SCN9A: variants seen among roughly 807,000 people sequenced by gnomAD.
SCN9A encodes the protein sodium channel protein type 9 subunit alpha.
A neutral mutation model predicts 187.0 loss-of-function variants in SCN9A; 131 were observed. That is an observed-to-expected ratio of 0.70 (90% CI 0.61 to 0.81). The LOEUF is 0.81. SCN9A is among the 30% of genes least tolerant of loss of function. SCN9A has a pLI of 0.00. For synonymous variants in SCN9A, 809 were observed against 808.6 expected (o/e 1.00, Z -0.01); for missense variants, 2,252 against 2,396.6 (o/e 0.94, Z 1.26).
chr2:166,308,787 G>A (rs1698842666), intron 2 of SCN9A, among the ~76,000 whole-genome samples: 1 of 151,888 alleles, frequency 6.6e-6, no homozygotes, highest in Non-Finnish European at 1.5e-5. Context: ...TTAGCCAGGT[G>A]TGGTGGCGGG....
intron 1 of SCN9A, among the ~76,000 whole-genome samples, chr2:166,318,860 G>A (rs1367053904): frequency 2.0e-5 from 3 of 151,968 alleles, no homozygotes; most frequent in Non-Finnish European, 2.9e-5. Context: ...ATATATTTTA[G>A]GAGAATTTTA....
chr2:166,278,433 A>T (rs1198652462), intron 14 of SCN9A, 120 bp from the exon 15 acceptor site: 2 of 787,970 alleles, frequency 2.5e-6, no homozygotes, highest in African/African-American at 3.6e-5. Context: ...AATACTTTAT[A>T]AATGGATATT....
intron 24 of SCN9A, among the ~76,000 whole-genome samples, chr2:166,220,206 C>A (rs542892424): frequency 7.7e-4 from 117 of 152,138 alleles, no homozygotes; most frequent in Admixed American, 2.3e-3. Flanking sequence ...AAGCATTTGA[C>A]AAATTTCAAC....
At chr2:166,229,093 T>C in intron 21 of SCN9A, 121 bp from the exon 22 acceptor site, 1 of 728,220 alleles carries the variant, frequency 1.4e-6, no homozygotes, top group East Asian at 2.7e-5. Flanking sequence ...ATCTAAGACA[T>C]CAAACCAACC....
At chr2:166,239,422 A>G (rs1695469081) in intron 19 of SCN9A, among the ~76,000 whole-genome samples, 3 of 152,146 alleles carry the variant, frequency 2.0e-5, no homozygotes, top group African/African-American at 4.8e-5. Flanking sequence ...TGCCATTCAG[A>G]TTCTTCTTAT....
At chr2:166,299,208 A>G (rs1698451701) in intron 7 of SCN9A, among the ~76,000 whole-genome samples, 1 of 151,258 alleles carries the variant, frequency 6.6e-6, no homozygotes, top group South Asian at 2.1e-4. Flanking sequence ...AAACCCATAT[A>G]TTTTTTTAAA....
chr2:166,302,262 A>C (rs1336689854), intron 7 of SCN9A: 1 of 143,656 alleles, frequency 7.0e-6, no homozygotes, highest in African/African-American at 3.0e-5. Flanking sequence ...TCATATCTTC[A>C]TCCAATATTC....
In SCN9A at chr2:166,211,062, G is replaced by C. The variant is rs555587469; in HGVS notation, c.4399-6598C>G. Reference sequence around the variant, plus strand: ...GGGCAACACGGTGAAACTCTATCTCGGAAAAAAAAGAAAGAAAGTCTCCAC... The same window carrying C: ...GGGCAACACGGTGAAACTCTATCTCCGAAAAAAAAGAAAGAAAGTCTCCAC... On this transcript the variant is annotated intron_variant, in intron 24 of 26. Transcript: ENST00000642356. Among the ~76,000 whole-genome samples, 12 of 30,580 alleles carry C rather than the reference G, an allele frequency of 3.9e-4. No homozygotes were observed. The South Asian group carries it at 5.8e-3, about 15-fold the overall frequency. 20.1% of individuals were successfully genotyped at this position (30,580 alleles called of 152,430 possible). A position where few individuals can be genotyped will look rare whatever the true frequency, so the allele number is the denominator to read the frequency against.
intron 7 of SCN9A, 27 bp from the exon 8 acceptor site, chr2:166,294,689 T>C (rs200209621): frequency 2.0e-6 from 3 of 1,479,822 alleles, no homozygotes; most frequent in South Asian, 2.4e-5. Flanking sequence ...TGAACAGTTA[T>C]AACATCACAG....
chr2:166,267,346 T>C (rs1696785900), intron 17 of SCN9A, among the ~76,000 whole-genome samples: 1 of 152,080 alleles, frequency 6.6e-6, no homozygotes, highest in Admixed American at 6.6e-5. Flanking sequence ...GTTGATATAA[T>C]ATAGAAAGTT....
Position 166,277,151 on chromosome 2 carries a change from G to T in SCN9A, c.2706C>A (p.Asp902Glu). Residue 902 changes from aspartate (D) to glutamate (E), a missense_variant, in exon 16 of 27, where the codon GAC (aspartate) becomes GAA (glutamate). This residue lies in a region of SCN9A where 119 missense variants were observed against 188.7 expected (regional missense o/e 0.63). Transcript: ENST00000642356. Reference sequence around the variant, plus strand: ...TCATGTGCCACCGTGGGAGCGTACAGTCATCATTGATCTTGCAGACACATT... The same window carrying T: ...TCATGTGCCACCGTGGGAGCGTACATTCATCATTGATCTTGCAGACACATT... ...YKECVCKIND[D>E]CTLPRWHMND... 2 of 1,614,052 alleles carry T rather than the reference G, an allele frequency of 1.2e-6. No individual in the cohort carries two copies. The highest frequency in any genetic ancestry group is 1.7e-6 in the Non-Finnish European group (2 of 1,179,988).
intron 24 of SCN9A, 92 bp downstream of exon 24, chr2:166,226,475 T>G: frequency 2.3e-6 from 2 of 858,294 alleles, no homozygotes; most frequent in Non-Finnish European, 3.5e-6. Flanking sequence ...AAATTAATCA[T>G]GAATTGATAT....
rs1465929203 is a variant in SCN9A at position 166,278,227 on chromosome 2, A to C, written c.2430T>G (p.Ile810Met). 6.2e-7 allele frequency: 1 copy of C among 1,612,830 alleles called. No homozygotes were observed. The highest frequency in any genetic ancestry group is 1.7e-5 in the Admixed American group (1 of 59,950). Reference protein sequence around the residue: ...PYEYFQVGWNIFDSLIVTLSL... With the variant: ...PYEYFQVGWNMFDSLIVTLSL... ...TTAAAGTCACAATAAGGCTGTCAAAAATATTCCAGCCTACTTGGAAATACT... is the reference window on the plus strand; with the variant it reads ...TTAAAGTCACAATAAGGCTGTCAAACATATTCCAGCCTACTTGGAAATACT... The change falls in exon 15 of 27, where the codon ATT becomes ATG. Residue 810 changes from isoleucine (I) to methionine (M), a missense_variant. Coordinates refer to ENST00000642356, the MANE Select transcript of SCN9A (RefSeq NM_001365536.1).
chr2:166,306,977 G>C lies in SCN9A; in HGVS notation c.356C>G (p.Ser119Cys), dbSNP rs1574907229. Residue 119 changes from serine to cysteine, a missense_variant, in exon 3 of 27, where the codon TCT becomes TGT. Ser to Cys is a moderately radical substitution (Grantham distance 112). Around this residue, in one of 7 missense-constraint regions of SCN9A, gnomAD observed 1,013 missense variants for 997.4 expected, o/e 1.02. Transcript: ENST00000642356. ...ATATGAGTGTACTAAAATCTTAATA[G>C]ATATTCTTCTTAGAGGACTGAAAGG... ...LSPFSPLRRI[S>C]IKILVHSLFS... 2 of 1,591,718 alleles carry C rather than the reference G, an allele frequency of 1.3e-6. No homozygotes were observed. Among genetic ancestry groups the C allele is most frequent in the Non-Finnish European group, 1.7e-6 (2 of 1,160,416 alleles).
intron 1 of SCN9A, among the ~76,000 whole-genome samples, chr2:166,360,051 G>A (rs1201109061): frequency 2.0e-5 from 3 of 150,938 alleles, no homozygotes; most frequent in Non-Finnish European, 4.4e-5. Context: ...GAGAAACCCC[G>A]TCTCTACTAA....
chr2:166,231,251 A>G (rs1269702639), intron 21 of SCN9A, among the ~76,000 whole-genome samples: 1 of 152,154 alleles, frequency 6.6e-6, no homozygotes, highest in Non-Finnish European at 1.5e-5. Context: ...TTCTAATACC[A>G]CCTTTCTGCA....
chr2:166,335,592 C>A (rs764096123), intron 1 of SCN9A, among the ~76,000 whole-genome samples: 21 of 152,096 alleles, frequency 1.4e-4, no homozygotes, highest in Non-Finnish European at 2.4e-4. Context: ...TAGGGGCAGG[C>A]ACTGACAGGG....
chr2:166,238,977 TA>T (rs1362137952), intron 19 of SCN9A, among the ~76,000 whole-genome samples: 1 of 152,220 alleles, frequency 6.6e-6, no homozygotes, highest in Non-Finnish European at 1.5e-5. Flanking sequence ...GAGCTCTATC[TA>T]ATGTAGGGCT....
intron 7 of SCN9A, chr2:166,296,253 A>G (rs1424206846): frequency 5.3e-5 from 8 of 152,222 alleles, no homozygotes; most frequent in Non-Finnish European, 1.0e-4. Context: ...ACCACTTGAT[A>G]CTGTGATCCA....
Sources: allele counts gnomAD v4.1 joint callset (sites outside exome capture counted in the v4.1 genomes callset), GRCh38; gene constraint gnomAD v4.1.1; regional missense constraint gnomAD v4.1.1; transcripts MANE v1.5; gene names NCBI Gene and HGNC (gene_info 2026-07-23, HGNC 2026-07-21).